The following DYNC2I1 variants were observed in gnomAD, a reference collection of about 807,000 sequenced individuals.
DYNC2I1 encodes the protein dynein 2 intermediate chain 1, also known as cytoplasmic dynein 2 intermediate chain 1.
A neutral mutation model predicts 133.4 loss-of-function variants in DYNC2I1; 89 were observed. That is an observed-to-expected ratio of 0.67 (90% confidence interval 0.56 to 0.80). The LOEUF (loss-of-function observed/expected upper bound fraction) is 0.80, where lower values mean the gene tolerates loss of function less well. DYNC2I1 is among the 30% of genes least tolerant of loss of function. DYNC2I1 has a pLI of 0.00. For synonymous variants in DYNC2I1, 504 were observed against 484.3 expected (o/e 1.04, Z -0.54); for missense variants, 1,291 against 1,314.5 (o/e 0.98, Z 0.28).
At chr7:158,953,184 TCGCCC>T (rs1852106630) in intron 4 of DYNC2I1, among the ~76,000 whole-genome samples, 2 of 127,326 alleles carry the variant, frequency 1.6e-5, no homozygotes, top group African/African-American at 2.9e-5. Flanking sequence ...CCTACCCTCC[TCGCCC>T]TCCTCTCCTA....
intron 13 of DYNC2I1, among the ~76,000 whole-genome samples, chr7:158,913,440 A>T (rs1327229232): frequency 6.6e-6 from 1 of 152,182 alleles, no homozygotes; most frequent in Non-Finnish European, 1.5e-5. Flanking sequence ...AACTTAGGGG[A>T]AGCCTATTCT....
At chr7:158,948,653 G>A (rs1042547339), downstream of DYNC2I1, among the ~76,000 whole-genome samples, 14 of 152,102 alleles carry the variant, frequency 9.2e-5, no homozygotes, top group African/African-American at 2.9e-4. Flanking sequence ...ATGTACAAGC[G>A]CAACTGGATA....
At chr7:158,903,825 G>C (rs1455507910) in intron 10 of DYNC2I1, 1 of 152,146 alleles carries the variant, frequency 6.6e-6, no homozygotes, top group East Asian at 1.9e-4. Context: ...GGTTTTCTTA[G>C]CAGATCTTTG....
At chr7:158,862,394 C>T (rs911379769) in intron 1 of DYNC2I1, among the ~76,000 whole-genome samples, 13 of 152,134 alleles carry the variant, frequency 8.5e-5, no homozygotes, top group Non-Finnish European at 1.2e-4. Flanking sequence ...CTGCAGGTTA[C>T]GAATTCTGGT....
At chr7:158,905,139 T>C (rs1324147540) in intron 10 of DYNC2I1, 14 of 412,028 alleles carry the variant, frequency 3.4e-5, no homozygotes, top group Non-Finnish European at 6.6e-5. Flanking sequence ...TCTTTCTTTT[T>C]CTTTTTTTTT....
intron 17 of DYNC2I1, among the ~76,000 whole-genome samples, chr7:158,924,355 C>T (rs1161876407): frequency 4.6e-5 from 7 of 152,366 alleles, no homozygotes; most frequent in South Asian, 2.1e-4. Flanking sequence ...CGCCCTGCAC[C>T]GCCCCTTCCC....
intron 4 of DYNC2I1, among the ~76,000 whole-genome samples, chr7:158,952,636 C>T (rs1203842854): frequency 1.3e-5 from 2 of 151,584 alleles, no homozygotes; most frequent in Non-Finnish European, 2.9e-5. Context: ...GGTGAACCCC[C>T]AGCCGCATCA....
At chr7:158,863,928 C>T (rs1842152097) in intron 1 of DYNC2I1, among the ~76,000 whole-genome samples, 1 of 83,820 alleles carries the variant, frequency 1.2e-5, no homozygotes. Context: ...GTCCTTAGCT[C>T]CGTGTGTGGG....
At chr7:158,875,344 C>T (rs1312791380) in intron 3 of DYNC2I1, among the ~76,000 whole-genome samples, 4 of 152,264 alleles carry the variant, frequency 2.6e-5, no homozygotes, top group East Asian at 1.9e-4. Flanking sequence ...CCACCTGCCT[C>T]GGCCTCCCAA....
intron 14 of DYNC2I1, among the ~76,000 whole-genome samples, chr7:158,915,723 C>T (rs867753493): frequency 1.5e-3 from 188 of 123,832 alleles, no homozygotes; most frequent in Admixed American, 4.3e-3. Context: ...TGTGAAACGT[C>T]GACACGCTGG....
intron 8 of DYNC2I1, among the ~76,000 whole-genome samples, chr7:158,900,632 G>A (rs1308737068): frequency 6.6e-6 from 1 of 151,140 alleles, no homozygotes; most frequent in Non-Finnish European, 1.5e-5. Flanking sequence ...AGTCATTATT[G>A]TATCAAGTAT....
intron 8 of DYNC2I1, among the ~76,000 whole-genome samples, chr7:158,893,619 G>C (rs756033221): frequency 6.6e-6 from 1 of 152,114 alleles, no homozygotes; most frequent in Admixed American, 6.5e-5. Flanking sequence ...GCTGTTGCCA[G>C]CATCATAACA....
intron 8 of DYNC2I1, among the ~76,000 whole-genome samples, chr7:158,893,550 T>C (rs1262158848): frequency 2.0e-5 from 3 of 152,172 alleles, no homozygotes; most frequent in Non-Finnish European, 4.4e-5. Context: ...TGCAGCACAC[T>C]GTAGAGTATT....
intron 1 of DYNC2I1, among the ~76,000 whole-genome samples, chr7:158,866,222 G>A (rs1402562803): frequency 1.3e-5 from 2 of 151,850 alleles, no homozygotes; most frequent in Non-Finnish European, 2.9e-5. Flanking sequence ...TGTGTGCAGC[G>A]CCCACGTCTC....
chr7:158,911,437 T>C, intron 11 of DYNC2I1, 113 bp from the exon 12 acceptor site: 1 of 1,188,364 alleles, frequency 8.4e-7, no homozygotes, highest in Non-Finnish European at 1.2e-6. Flanking sequence ...AGCCTGAAGC[T>C]AGGTTTCTGA....
At chr7:158,923,469 C>G in intron 16 of DYNC2I1, 102 bp from the exon 17 acceptor site, 1 of 1,537,510 alleles carries the variant, frequency 6.5e-7, no homozygotes, top group South Asian at 1.1e-5. Flanking sequence ...GACTCCCGTG[C>G]AAAGTGAAAC....
At chr7:158,848,787 G>A in the DYNC2I1 span, among the ~76,000 whole-genome samples, 2 of 152,176 alleles carry the variant, frequency 1.3e-5, no homozygotes, top group African/African-American at 4.8e-5. Context: ...AGCCAGGCAT[G>A]GTGGCAGGCG....
chr7:158,925,740 G>A (rs1849545065), intron 17 of DYNC2I1, among the ~76,000 whole-genome samples: 1 of 152,134 alleles, frequency 6.6e-6, no homozygotes, highest in South Asian at 2.1e-4. Context: ...TGAGGTGTGT[G>A]CGGAGGTCTC....
chr7:158,887,012 G>A lies in DYNC2I1; in HGVS notation c.936-9G>A. ...GTAAGTTTTGATTTTGATTATGTTT[G>A]CTTTCCAGGCATGCTGAGAATTTAG... On this transcript the variant is annotated splice_polypyrimidine_tract_variant and intron_variant, in intron 6 of 24. Transcript: ENST00000407559. The A allele has an allele frequency of 1.2e-6, 2 of 1,613,486 alleles. No individual in the cohort carries two copies. The highest frequency in any genetic ancestry group is 4.5e-5 in the East Asian group (2 of 44,874).
Sources: gnomAD v4.1 joint callset for allele counts (sites outside exome capture counted in the v4.1 genomes callset) on GRCh38, gnomAD v4.1.1 for gene constraint, MANE v1.5 for transcripts, NCBI Gene and HGNC (gene_info 2026-07-23, HGNC 2026-07-21) for gene names.